The following DOP1B variants were observed in gnomAD, a reference collection of about 807,000 sequenced individuals.
The protein encoded by DOP1B is DOP1 leucine zipper like protein B.
DOP1B carries 174 observed loss-of-function variants against 233.5 expected under a neutral mutation model. That is an observed-to-expected ratio of 0.75 (90% confidence interval 0.66 to 0.85). The LOEUF (loss-of-function observed/expected upper bound fraction) is 0.85. DOP1B is among the 40% of genes least tolerant of loss of function. DOP1B has a pLI of 0.00. For synonymous variants in DOP1B, 1,190 were observed against 1,185.6 expected, an observed-to-expected ratio of 1.00 and a Z score of -0.08; for missense variants, 2,652 against 2,846.6, an observed-to-expected ratio of 0.93 and a Z score of 1.56.
intron 17 of DOP1B, 57 bp from the exon 18 acceptor site, chr21:36,239,708 G>T: frequency 2.7e-6 from 4 of 1,475,456 alleles, no homozygotes; most frequent in Non-Finnish European, 2.7e-6. Flanking sequence ...GTCTGCCACG[G>T]TGCCTGGCGC....
rs1288499558 is a variant in DOP1B, at chr21:36,212,066, C to T, written c.873C>T (p.Ser291=). 2 of 1,613,218 alleles carry T rather than the reference C, an allele frequency of 1.2e-6. No individual in the cohort carries two copies. The highest frequency in any genetic ancestry group is 1.7e-6 in the Non-Finnish European group (2 of 1,179,808). ...AGACCCTACTGAGAAGGGACATGTCCCTGAACAGAAGACTGTATGCATGGT... is the reference window on the plus strand; with the variant it reads ...AGACCCTACTGAGAAGGGACATGTCTCTGAACAGAAGACTGTATGCATGGT... ...ATQTLLRRDM[S]LNRRLYAWLL... Residue 291 remains serine, a synonymous_variant, in exon 7 of 37, where the codon TCC becomes TCT. Transcript: ENST00000691173.
Position 36,282,369 on chromosome 21 carries a change from G to A in DOP1B, c.6160+758G>A, listed in dbSNP as rs191319373. ...GGAGGCCAAGGTTGCAGTAAGCCAA[G>A]ATCACACCACTGCACTCCAGCCTGG... On this transcript the variant is annotated intron_variant, in intron 32 of 36. Coordinates refer to ENST00000691173, the MANE Select transcript of DOP1B (RefSeq NM_001320714.2). 1.5e-4 allele frequency among the ~76,000 whole-genome samples: 23 copies of A among 152,300 alleles called. No individual in the cohort carries two copies. In the East Asian group the frequency reaches 4.4e-3, roughly 29 times the overall value.
chr21:36,283,916 C>T (rs1569071054), intron 32 of DOP1B, among the ~76,000 whole-genome samples: 1 of 142,654 alleles, frequency 7.0e-6, no homozygotes, highest in African/African-American at 2.6e-5. Context: ...CCTTTTCAGT[C>T]TAAGAGCAGA....
chr21:36,187,192 C>T (rs758630471), intron 2 of DOP1B, among the ~76,000 whole-genome samples: 2 of 148,954 alleles, frequency 1.3e-5, no homozygotes, highest in Non-Finnish European at 3.0e-5. Flanking sequence ...TGTCCTGCCC[C>T]TCCCCTCCCC....
At chr21:36,183,938 A>G (rs2010296) in intron 2 of DOP1B, among the ~76,000 whole-genome samples, 24,568 of 149,902 alleles carry the variant, frequency 0.16, 2,325 homozygotes, top group South Asian at 0.22. Flanking sequence ...GTCTCAACTC[A>G]CTGCAACCTC....
chr21:36,180,745 G>C (rs1267110806), intron 2 of DOP1B, among the ~76,000 whole-genome samples: 1 of 152,152 alleles, frequency 6.6e-6, no homozygotes, highest in Non-Finnish European at 1.5e-5. Flanking sequence ...GCTGGGCATA[G>C]TGGCGTGCAC....
intron 2 of DOP1B, among the ~76,000 whole-genome samples, chr21:36,186,875 G>A (rs2066170766): frequency 6.6e-6 from 1 of 152,096 alleles, no homozygotes; most frequent in African/African-American, 2.4e-5. Flanking sequence ...GGCTTGCTCA[G>A]ATGAGAGCTG....
In DOP1B at chr21:36,200,462, T is replaced by A; in HGVS notation, c.452T>A (p.Leu151Gln). The A allele has an allele frequency of 6.2e-7, 1 of 1,612,598 alleles. No individual in the cohort carries two copies. Among genetic ancestry groups the A allele is most frequent in the Non-Finnish European group, 8.5e-7 (1 of 1,179,826 alleles). ...LPSLQAFIVG[L>Q]LPGLEEGSEI... ...AGTCTGCAGGCCTTCATCGTGGGCC[T>A]GCTGCCCGGCCTTGAAGAGGGCTCC... Residue 151 changes from leucine to glutamine, a missense_variant, in exon 4 of 37, where the codon CTG becomes CAG. Coordinates refer to ENST00000691173, the MANE Select transcript of DOP1B (RefSeq NM_001320714.2).
intron 12 of DOP1B, among the ~76,000 whole-genome samples, chr21:36,227,168 A>C (rs1445340705): frequency 6.6e-6 from 1 of 151,302 alleles, no homozygotes; most frequent in African/African-American, 2.4e-5. Flanking sequence ...AGATCACACC[A>C]CTGCACTCCA....
At position 36,245,673 on chromosome 21, in the gene DOP1B, C is replaced by T. The variant is rs1446964275; in HGVS notation, c.3693C>T (p.Tyr1231=). Residue 1231 remains tyrosine (Y), a synonymous_variant, in exon 19 of 37, where the codon TAC becomes TAT. Coordinates refer to ENST00000691173, the MANE Select transcript of DOP1B (RefSeq NM_001320714.2). This position sits in a 1 kb window ranked among gnomAD's most constrained non-coding sequence, Gnocchi z 5.5. ...CCTTGTTCAAGCACATCCTGCTCTA[C>T]CTGCAGCCCTACGACTCTCGGCGGG... is the stretch of plus-strand genomic sequence containing the variant. ...VEALFKHILL[Y]LQPYDSRRVL... The T allele has an allele frequency of 1.9e-5, 31 of 1,613,686 alleles. No individual in the cohort carries two copies. The highest frequency in any genetic ancestry group is 2.3e-5 in the Non-Finnish European group (27 of 1,180,018).
At chr21:36,167,917 T>C in intron 2 of DOP1B, among the ~76,000 whole-genome samples, 1 of 71,796 alleles carries the variant, frequency 1.4e-5, no homozygotes, top group African/African-American at 3.6e-5. Context: ...AAGTCACATT[T>C]TCTTTTCTTT....
chr21:36,231,764 G>A (rs1404811199), intron 14 of DOP1B, among the ~76,000 whole-genome samples: 9 of 146,920 alleles, frequency 6.1e-5, no homozygotes, highest in East Asian at 6.0e-4. Context: ...TGCAACCTCC[G>A]CCTCCTGGGT....
intron 2 of DOP1B, among the ~76,000 whole-genome samples, chr21:36,198,015 GTC>G: frequency 8.2e-6 from 1 of 121,786 alleles, no homozygotes; most frequent in Non-Finnish European, 1.8e-5. Flanking sequence ...GCAAGACTCC[GTC>G]TCAAAAAAAA....
intron 2 of DOP1B, among the ~76,000 whole-genome samples, chr21:36,185,246 G>A (rs2066150841): frequency 6.6e-6 from 1 of 152,144 alleles, no homozygotes; most frequent in African/African-American, 2.4e-5. Flanking sequence ...AAATGCATAA[G>A]AATGGCAGTG....
At chr21:36,283,633 A>G (rs914689013) in intron 32 of DOP1B, among the ~76,000 whole-genome samples, 1 of 152,206 alleles carries the variant, frequency 6.6e-6, no homozygotes, top group African/African-American at 2.4e-5. Context: ...TCAGACGGTA[A>G]CCAGGAGCAC....
At position 36,187,900 on chromosome 21, in the gene DOP1B, C is replaced by T. The variant is rs537123289; in HGVS notation, c.139-11170C>T. On this transcript the variant is annotated intron_variant, in intron 2 of 36. Transcript: ENST00000691173. ...ACAGGTGTAAGCCACTGCGCCTGGC[C>T]TGCTTCTTTTTTTTCTGAGCATGCT... Among the ~76,000 whole-genome samples, 6 of 152,276 alleles carry T rather than the reference C, an allele frequency of 3.9e-5. No individual in the cohort carries two copies. The East Asian group carries it at 1.2e-3, about 29-fold the overall frequency.
intron 2 of DOP1B, among the ~76,000 whole-genome samples, chr21:36,189,789 T>TTG: frequency 6.6e-5 from 10 of 151,848 alleles, no homozygotes; most frequent in African/African-American, 2.2e-4. Flanking sequence ...GACAGGTGGA[T>TTG]CACGAGGTCA....
chr21:36,280,277 A>G lies in DOP1B; in HGVS notation c.5970-8A>G. 6.3e-7 allele frequency: 1 copy of G among 1,593,418 alleles called. No individual in the cohort carries two copies. The highest frequency in any genetic ancestry group is 8.6e-7 in the Non-Finnish European group (1 of 1,166,948). On this transcript the variant is annotated splice_region_variant and splice_polypyrimidine_tract_variant and intron_variant, in intron 30 of 36. Transcript: ENST00000691173. ...AATTTAATTGATTTTGCTTTCTTTA[A>G]TATCCAGTTGGAAGTCCATTATTGA...
At chr21:36,272,522 C>T (rs2146236700) in intron 27 of DOP1B, among the ~76,000 whole-genome samples, 1 of 151,754 alleles carries the variant, frequency 6.6e-6, no homozygotes. Context: ...TGGTGGCGGG[C>T]ATCTGTAGTC....
Sources: allele counts gnomAD v4.1 joint callset (sites outside exome capture counted in the v4.1 genomes callset), GRCh38; gene constraint gnomAD v4.1.1; non-coding constraint Gnocchi (gnomAD v3.1); transcripts MANE v1.5; gene names NCBI Gene and HGNC (gene_info 2026-07-23, HGNC 2026-07-21).